Variants in ZNF705G observed in about 807,000 individuals in gnomAD.
ZNF705G encodes the protein zinc finger protein 705G, also known as putative zinc finger protein 705G.
A neutral mutation model predicts 19.6 loss-of-function variants in ZNF705G; 23 were observed. That is an observed-to-expected ratio of 1.17 (90% CI 0.84 to 1.66). ZNF705G has a LOEUF of 1.66. Ranked by LOEUF, ZNF705G falls within the 40% of genes most tolerant of loss-of-function variation. ZNF705G has a pLI of 0.00. For missense variants in ZNF705G, 457 were observed against 354.4 expected (o/e 1.29, Z -2.32); for synonymous variants, 146 against 117.7 (o/e 1.24, Z -1.56).
At chr8:7,385,459 C>G (rs1370623237) in intron 1 of ZNF705G, 39 bp downstream of exon 1, 3 of 149,706 alleles carry the variant, frequency 2.0e-5, no homozygotes, top group Non-Finnish European at 4.4e-5. Context: ...TTGCCTCCCA[C>G]CCCTTATTTA....
intron 2 of ZNF705G, among the ~76,000 whole-genome samples, chr8:7,367,180 A>T (rs1585417571): frequency 6.7e-6 from 1 of 149,500 alleles, no homozygotes; most frequent in East Asian, 1.9e-4. Context: ...CCTTGATGGG[A>T]CAAATGTCTA....
rs1281445538 is a variant in ZNF705G at position 7,383,304 on chromosome 8, C to T, written c.-221-1703G>A. Reference sequence around the variant, plus strand: ...GGAATTAAACAGCAGAAAGTATACACGGTAAAACACTGAAATTCCTCCTTC... The same window carrying T: ...GGAATTAAACAGCAGAAAGTATACATGGTAAAACACTGAAATTCCTCCTTC... On this transcript the variant is annotated intron_variant, in intron 1 of 6. Coordinates refer to ENST00000400156, the MANE Select transcript of ZNF705G (RefSeq NM_001164457.3). Among the ~76,000 whole-genome samples, 28 of 147,270 alleles carry T rather than the reference C, an allele frequency of 1.9e-4. 1 individual carries two copies. The highest frequency in any genetic ancestry group is 6.0e-4 in the African/African-American group (22 of 36,790).
In ZNF705G at chr8:7,357,042, A is replaced by C. The variant is rs1472495515; in HGVS notation, c.*934T>G. 1.3e-5 allele frequency: 2 copies of C among 149,906 alleles called. No individual in the cohort carries two copies. Among genetic ancestry groups the C allele is most frequent in the African/African-American group, 5.1e-5 (2 of 39,174 alleles). The allele number at this position is 149,906 out of a possible 1,614,324, so 9.3% of individuals were successfully genotyped here. On this transcript the variant is annotated 3_prime_UTR_variant, in exon 7 of 7. Transcript: ENST00000400156. Reference sequence around the variant, plus strand: ...GACTCACTTTTCTGATGAGAAATCTATCAGGTTTCTCCACAGTGATTTTCA... The same window carrying C: ...GACTCACTTTTCTGATGAGAAATCTCTCAGGTTTCTCCACAGTGATTTTCA...
At chr8:7,358,948 A>G (rs1806433645) in intron 6 of ZNF705G, among the ~76,000 whole-genome samples, 5 of 149,566 alleles carry the variant, frequency 3.3e-5, no homozygotes, top group African/African-American at 1.0e-4. Context: ...GCACAAATGC[A>G]TATTGATTGT....
At chr8:7,368,910 C>G (rs1348069297) in intron 2 of ZNF705G, among the ~76,000 whole-genome samples, 2 of 149,612 alleles carry the variant, frequency 1.3e-5, no homozygotes, top group African/African-American at 5.1e-5. Context: ...TGCAGGTGCA[C>G]AAGGTACAGG....
rs1806327299 is a variant in ZNF705G at position 7,357,470 on chromosome 8, A to AT, written c.*505dup. On this transcript the variant is annotated 3_prime_UTR_variant, in exon 7 of 7. Transcript: ENST00000400156. ...GTTTTCTCATGTTATTTGACAATAAATTGCAAATAAAAACATTTTCACACT... is the reference window on the plus strand; with the variant it reads ...GTTTTCTCATGTTATTTGACAATAAATTTGCAAATAAAAACATTTTCACACT... The AT allele has an allele frequency of 1.2e-5, 2 of 170,438 alleles. No homozygotes were observed. The highest frequency in any genetic ancestry group is 5.5e-5 in the Admixed American group (1 of 18,220). 10.6% of individuals were successfully genotyped at this position (170,438 alleles called of 1,614,324 possible).
rs1367389240 is a variant in ZNF705G, at chr8:7,364,059, A to G, written c.-71-1042T>C. On this transcript the variant is annotated intron_variant, in intron 2 of 6. Transcript: ENST00000400156. ...ATTTAGCAGCTCAATCTGATATTTTACTAACGTGGTATCTAAAATTCTTGC... is the reference window on the plus strand; with the variant it reads ...ATTTAGCAGCTCAATCTGATATTTTGCTAACGTGGTATCTAAAATTCTTGC... Among the ~76,000 whole-genome samples, 7 of 149,534 alleles carry G rather than the reference A, an allele frequency of 4.7e-5. 1 individual carries two copies. The highest frequency in any genetic ancestry group is 1.8e-4 in the African/African-American group (7 of 38,976).
Position 7,358,103 on chromosome 8 carries a change from T to C in ZNF705G, c.776A>G (p.Asp259Gly). 1.2e-6 allele frequency: 2 copies of C among 1,607,964 alleles called. No individual in the cohort carries two copies. Among genetic ancestry groups the C allele is most frequent in the Non-Finnish European group, 1.7e-6 (2 of 1,179,762 alleles). Reference sequence around the variant, plus strand: ...TTGACTAAAGGCTTTCCCACTTTTATCACATTCATAACACTTTTTTCCAAG... The same window carrying C: ...TTGACTAAAGGCTTTCCCACTTTTACCACATTCATAACACTTTTTTCCAAG... Reference protein sequence around the residue: ...THLGKKCYECDKSGKAFSQSS... With the variant: ...THLGKKCYECGKSGKAFSQSS... The change falls in exon 7 of 7, where the codon GAT becomes GGT. Residue 259 changes from aspartate (D) to glycine (G), a missense_variant. By Grantham distance (94) the Asp-to-Gly change is moderately conservative (BLOSUM62 -1). Transcript: ENST00000400156.
chr8:7,359,597 T>G (rs1246629400), intron 6 of ZNF705G, 22 bp downstream of exon 6: 17 of 1,605,386 alleles, frequency 1.1e-5, no homozygotes, highest in Non-Finnish European at 1.3e-5. Flanking sequence ...AGATGACTGG[T>G]GTACACAGCT....
rs539469243 is a variant in ZNF705G, at chr8:7,360,745, C to A, written c.139+365G>T. On this transcript the variant is annotated intron_variant, in intron 4 of 6. Coordinates refer to ENST00000400156, the MANE Select transcript of ZNF705G (RefSeq NM_001164457.3). ...TGGAAAAGATATTGCTATTGTTTTC[C>A]CTAATTGGTCTCAGCCTAAGCATAG... Among the ~76,000 whole-genome samples, 533 of 149,236 alleles carry A rather than the reference C, an allele frequency of 3.6e-3. 57 individuals carry two copies. The highest frequency in any genetic ancestry group is 0.012 in the African/African-American group (484 of 38,790).
At position 7,368,641 on chromosome 8, in the gene ZNF705G, G is replaced by A. The variant is rs192857791; in HGVS notation, c.-71-5624C>T. Among the ~76,000 whole-genome samples the A allele has an allele frequency of 4.2e-3, 631 of 149,932 alleles. 72 individuals carry two copies. The highest frequency in any genetic ancestry group is 0.015 in the African/African-American group (589 of 39,302). ...AAAAGGAAAGCAGATGCTAATAGAA[G>A]AAAATGAAGAAAGGGCCTCAAAGAC... On this transcript the variant is annotated intron_variant, in intron 2 of 6. Transcript: ENST00000400156.
At chr8:7,378,776 T>G (rs1395034100) in intron 2 of ZNF705G, among the ~76,000 whole-genome samples, 1 of 145,738 alleles carries the variant, frequency 6.9e-6, no homozygotes, top group Non-Finnish European at 1.5e-5. Context: ...GACTCATGAT[T>G]ACATTGGGCC....
At position 7,358,573 on chromosome 8, in the gene ZNF705G, T is replaced by G. The variant is rs202213307; in HGVS notation, c.319-13A>C. The G allele has an allele frequency of 5.1e-3, 8,162 of 1,589,856 alleles. 133 individuals carry two copies. The highest frequency in any genetic ancestry group is 5.3e-3 in the Non-Finnish European group (6,184 of 1,164,164). ...TGAGAGAGTTCTCCTTTGGGGCAAA[T>G]ATTAAAAGCTCTTAATGGTTTACCC... On this transcript the variant is annotated splice_polypyrimidine_tract_variant and intron_variant, in intron 6 of 6. Coordinates refer to ENST00000400156, the MANE Select transcript of ZNF705G (RefSeq NM_001164457.3).
chr8:7,383,125 A>ATT (rs5889203), intron 1 of ZNF705G, among the ~76,000 whole-genome samples: 26,499 of 125,462 alleles, frequency 0.21, 594 homozygotes, highest in Non-Finnish European at 0.26. Flanking sequence ...TCAATGTTTG[A>ATT]TTTTTTTTTT....
Position 7,361,206 on chromosome 8 carries a change from C to CA in ZNF705G, c.42dup (p.Asp15Ter). 6.3e-7 allele frequency: 1 copy of CA among 1,592,768 alleles called. No individual in the cohort carries two copies. Among genetic ancestry groups the CA allele is most frequent in the Non-Finnish European group, 8.5e-7 (1 of 1,179,398 alleles). Reference sequence around the variant, plus strand: ...ATGGCCCACTCTTCCTGGGTGAAGTCAATAGCTACATCTTCAAAAGTCAGT... The same window carrying CA: ...ATGGCCCACTCTTCCTGGGTGAAGTCAAATAGCTACATCTTCAAAAGTCAGT... On this transcript the variant is annotated frameshift_variant, in exon 4 of 7. Coordinates refer to ENST00000400156, the MANE Select transcript of ZNF705G (RefSeq NM_001164457.3). LOFTEE classifies it high-confidence loss of function.
At chr8:7,368,185 C>A (rs2128840867) in intron 2 of ZNF705G, among the ~76,000 whole-genome samples, 1 of 149,726 alleles carries the variant, frequency 6.7e-6, no homozygotes, top group East Asian at 1.9e-4. Context: ...AAACTTCATT[C>A]TGGAGACACT....
Position 7,368,491 on chromosome 8 carries a change from G to C in ZNF705G, c.-71-5474C>G, listed in dbSNP as rs547012078. Reference sequence around the variant, plus strand: ...AGATATAAAAAGTTTCAATGTTCATGATGATGTAAAAAAATAAAATACATT... The same window carrying C: ...AGATATAAAAAGTTTCAATGTTCATCATGATGTAAAAAAATAAAATACATT... On this transcript the variant is annotated intron_variant, in intron 2 of 6. Transcript: ENST00000400156. Among the ~76,000 whole-genome samples the C allele has an allele frequency of 5.1e-3, 760 of 149,284 alleles. 1 individual carries two copies. The highest frequency in any genetic ancestry group is 0.014 in the Middle Eastern group (4 of 292).
intron 6 of ZNF705G, 52 bp from the exon 7 acceptor site, chr8:7,358,612 C>T (rs1174901043): frequency 9.4e-6 from 15 of 1,601,344 alleles, no homozygotes; most frequent in South Asian, 2.2e-5. Context: ...TATATCTATA[C>T]ATTCATTTCA....
intron 5 of ZNF705G, 35 bp from the exon 6 acceptor site, chr8:7,359,736 A>G (rs1263205569): frequency 6.2e-7 from 1 of 1,604,898 alleles, no homozygotes; most frequent in Non-Finnish European, 8.5e-7. Flanking sequence ...TTACATTGGT[A>G]TTATGGTAAT....
Sources: gnomAD v4.1 joint callset for allele counts (sites outside exome capture counted in the v4.1 genomes callset) on GRCh38, gnomAD v4.1.1 for gene constraint, MANE v1.5 for transcripts, NCBI Gene and HGNC (gene_info 2026-07-23, HGNC 2026-07-21) for gene names.